DLG2: variants seen among roughly 807,000 people sequenced by gnomAD.
DLG2 encodes the protein discs large MAGUK scaffold protein 2.
Under a neutral mutation model 132.5 loss-of-function variants are expected in DLG2, and 45 were observed. The ratio of observed to expected loss-of-function variants is 0.34; its 90% CI spans 0.27 to 0.44. DLG2 has a LOEUF of 0.44. DLG2 is among the 20% of genes least tolerant of loss of function. DLG2 has a pLI of 1.00. For missense variants in DLG2, 1,045 were observed against 1,196.9 expected, an observed-to-expected ratio of 0.87 and a Z score of 1.87; for synonymous variants, 424 against 419.6, an observed-to-expected ratio of 1.01 and a Z score of -0.13.
intron 6 of DLG2, among the ~76,000 whole-genome samples, chr11:85,005,743 G>A (rs2058598781): frequency 6.6e-6 from 1 of 151,994 alleles, no homozygotes; most frequent in Admixed American, 6.5e-5. Context: ...GATTGCCCTG[G>A]CCAGAACTTC....
intron 9 of DLG2, among the ~76,000 whole-genome samples, chr11:84,102,410 A>T (rs1486082255): frequency 6.6e-6 from 1 of 152,152 alleles, no homozygotes; most frequent in Non-Finnish European, 1.5e-5. Context: ...TAACAGGAAG[A>T]CTCAAAAAGG....
chr11:85,555,492 G>A (rs554460000), intron 3 of DLG2, among the ~76,000 whole-genome samples: 1 of 152,010 alleles, frequency 6.6e-6, no homozygotes, highest in East Asian at 1.9e-4. Context: ...CTAATTAAAA[G>A]AAATCAGAAG....
At chr11:85,523,476 A>C (rs1598252790) in intron 3 of DLG2, among the ~76,000 whole-genome samples, 1 of 152,162 alleles carries the variant, frequency 6.6e-6, no homozygotes, top group South Asian at 2.1e-4. Context: ...CAAGTACATG[A>C]AAAGGTACTC....
intron 7 of DLG2, among the ~76,000 whole-genome samples, chr11:84,460,574 G>A (rs1485333557): frequency 1.3e-5 from 2 of 150,264 alleles, no homozygotes; most frequent in East Asian, 3.9e-4. Flanking sequence ...ATTATAATCA[G>A]TTGATTAATA....
At chr11:84,153,921 T>C (rs1317702649) in intron 9 of DLG2, among the ~76,000 whole-genome samples, 1 of 152,218 alleles carries the variant, frequency 6.6e-6, no homozygotes, top group Non-Finnish European at 1.5e-5. Context: ...TGCCAGAGTT[T>C]ATGCACTGAT....
intron 11 of DLG2, among the ~76,000 whole-genome samples, chr11:83,990,842 T>C (rs1041617120): frequency 6.6e-6 from 1 of 152,152 alleles, no homozygotes; most frequent in African/African-American, 2.4e-5. Context: ...CAGAAAGCAC[T>C]AGTAGTTTTC....
In DLG2 at chr11:85,562,714, G is replaced by A. The variant is rs539034480; in HGVS notation, c.40+35943C>T. Among the ~76,000 whole-genome samples the A allele has an allele frequency of 4.5e-4, 68 of 151,742 alleles. 1 individual carries two copies. The highest frequency in any genetic ancestry group is 2.3e-3 in the South Asian group (11 of 4,812). On this transcript the variant is annotated intron_variant, in intron 3 of 27. Transcript: ENST00000376104. The stretch of plus-strand genomic sequence containing the variant: ...AAACAGTAAGTATTCCCTAAAGCCC[G>A]ATCATGGACTTCCCATCTATTCATT...
At chr11:84,284,746 A>G (rs1281221186) in intron 7 of DLG2, among the ~76,000 whole-genome samples, 1 of 152,172 alleles carries the variant, frequency 6.6e-6, no homozygotes, top group Non-Finnish European at 1.5e-5. Context: ...TTCTTGACAG[A>G]AGGAAAGCTA....
intron 7 of DLG2, among the ~76,000 whole-genome samples, chr11:84,265,922 T>C (rs773447273): frequency 6.6e-6 from 1 of 152,198 alleles, no homozygotes; most frequent in African/African-American, 2.4e-5. Flanking sequence ...AAATTTTGGT[T>C]TGCTACATGG....
chr11:85,532,850 T>A (rs776331763), intron 3 of DLG2, among the ~76,000 whole-genome samples: 22 of 152,050 alleles, frequency 1.4e-4, no homozygotes, highest in Non-Finnish European at 2.9e-4. Flanking sequence ...TCAAAGCTAT[T>A]TTTTTTAATG....
At chr11:83,998,765 C>T (rs558282021) in intron 11 of DLG2, among the ~76,000 whole-genome samples, 5 of 152,222 alleles carry the variant, frequency 3.3e-5, no homozygotes, top group South Asian at 2.1e-4. Context: ...AGCAAGCCAC[C>T]GTTTTAGAGT....
intron 5 of DLG2, 40 bp from the exon 6 acceptor site, chr11:85,111,775 T>G (rs2072791309): frequency 7.0e-7 from 1 of 1,424,328 alleles, no homozygotes; most frequent in Non-Finnish European, 9.7e-7. Flanking sequence ...CTATTTATTA[T>G]GGGCCAGTAT....
At chr11:84,720,530 G>C (rs1326654907) in intron 6 of DLG2, 1 of 979,106 alleles carries the variant, frequency 1.0e-6, no homozygotes, top group African/African-American at 1.8e-5. Context: ...CCATCCCGGA[G>C]CCCCGGTGGA....
intron 7 of DLG2, among the ~76,000 whole-genome samples, chr11:84,519,547 G>A (rs1269109215): frequency 1.3e-5 from 2 of 152,282 alleles, no homozygotes; most frequent in East Asian, 3.9e-4. Flanking sequence ...AAGCAGTTCT[G>A]CATTTAGAGA....
intron 3 of DLG2, among the ~76,000 whole-genome samples, chr11:85,291,475 G>C (rs1480278438): frequency 1.1e-4 from 16 of 152,048 alleles, no homozygotes; most frequent in Non-Finnish European, 2.4e-4. Context: ...AACCCCTGTG[G>C]AGGTTGTTAG....
At chr11:85,450,594 T>C (rs1025494642) in intron 3 of DLG2, among the ~76,000 whole-genome samples, 11 of 152,220 alleles carry the variant, frequency 7.2e-5, no homozygotes, top group African/African-American at 2.4e-4. Flanking sequence ...ATTGTAAATA[T>C]CTTATATTAG....
At chr11:84,451,581 A>G (rs1190559357) in intron 7 of DLG2, among the ~76,000 whole-genome samples, 1 of 151,804 alleles carries the variant, frequency 6.6e-6, no homozygotes. Context: ...GCAATGTGAT[A>G]AAGTAATCCC....
intron 18 of DLG2, among the ~76,000 whole-genome samples, chr11:83,742,571 C>T (rs888264420): frequency 1.3e-5 from 2 of 152,160 alleles, no homozygotes; most frequent in Non-Finnish European, 2.9e-5. Context: ...CACTCTCCTT[C>T]TCTGGCTCTT....
intron 6 of DLG2, among the ~76,000 whole-genome samples, chr11:84,709,766 C>CGT (rs1288528884): frequency 5.3e-5 from 8 of 151,896 alleles, no homozygotes; most frequent in Non-Finnish European, 1.2e-4. Flanking sequence ...AAGGGGAAGG[C>CGT]ACACCTTCAA....
Sources: allele counts gnomAD v4.1 joint callset (sites outside exome capture counted in the v4.1 genomes callset), GRCh38; gene constraint gnomAD v4.1.1; transcripts MANE v1.5; gene names NCBI Gene and HGNC (gene_info 2026-07-23, HGNC 2026-07-21).